Variants in ARFGEF1 observed in about 807,000 individuals in gnomAD.
The protein encoded by ARFGEF1 is ARF guanine nucleotide exchange factor 1, also known as brefeldin A-inhibited guanine nucleotide-exchange protein 1.
Under a neutral mutation model 231.0 loss-of-function variants are expected in ARFGEF1, and 42 were observed. The observed-to-expected ratio is 0.18, with a 90% confidence interval of 0.14 to 0.24. The LOEUF is 0.24. Ranked by LOEUF, ARFGEF1 falls within the 10% of genes least tolerant of loss-of-function variation. The probability of loss-of-function intolerance (pLI) is 1.00; values close to 1 mark genes in which losing one functional copy is unlikely to be tolerated. For synonymous variants in ARFGEF1, 710 were observed against 732.3 expected (o/e 0.97, Z 0.49); for missense variants, 1,345 against 2,192.0 (o/e 0.61, Z 7.72).
intron 33 of ARFGEF1, among the ~76,000 whole-genome samples, chr8:67,216,068 T>G (rs566481201): frequency 4.2e-4 from 64 of 152,330 alleles, no homozygotes; most frequent in African/African-American, 1.4e-3. Context: ...TTCATGGCAC[T>G]TAACAAAGAC....
chr8:67,337,338 C>T (rs554504560), intron 1 of ARFGEF1, among the ~76,000 whole-genome samples: 2 of 152,152 alleles, frequency 1.3e-5, no homozygotes, highest in East Asian at 1.9e-4. Flanking sequence ...GAGGTGAATG[C>T]CATCTTCCTC....
intron 23 of ARFGEF1, among the ~76,000 whole-genome samples, chr8:67,231,973 CA>C (rs1839568494): frequency 6.6e-6 from 1 of 151,292 alleles, no homozygotes; most frequent in African/African-American, 2.4e-5. Context: ...TAAAAAAAAA[CA>C]AAACACAAAA....
At chr8:67,298,595 T>C (rs1252019287) in intron 4 of ARFGEF1, among the ~76,000 whole-genome samples, 1 of 152,092 alleles carries the variant, frequency 6.6e-6, no homozygotes, top group Non-Finnish European at 1.5e-5. Context: ...GCAATATATA[T>C]ATACATATGA....
At position 67,252,282 on chromosome 8, in the gene ARFGEF1, C is replaced by CAAAA. The variant is rs57653248; in HGVS notation, c.2699-836_2699-833dup. ...CAGCCTGGGCAACAAAACTCCATCTCAAAAAAAAAAAAAAAAAAAAAAAAA... is the reference window on the plus strand; with the variant it reads ...CAGCCTGGGCAACAAAACTCCATCTCAAAAAAAAAAAAAAAAAAAAAAAAAAAAA... On this transcript the variant is annotated intron_variant, in intron 18 of 38. Transcript: ENST00000262215. Among the ~76,000 whole-genome samples the CAAAA allele has an allele frequency of 3.2e-4, 7 of 21,866 alleles. 1 individual carries two copies. The highest frequency in any genetic ancestry group is 4.0e-4 in the Non-Finnish European group (4 of 9,970). The allele number at this position is 21,866 out of a possible 152,430, so 14.3% of individuals were successfully genotyped here.
At chr8:67,281,427 G>C (rs753157020) in intron 7 of ARFGEF1, among the ~76,000 whole-genome samples, 14 of 151,790 alleles carry the variant, frequency 9.2e-5, no homozygotes, top group Non-Finnish European at 1.6e-4. Context: ...AAAGATAAAA[G>C]CATCTTTTAA....
rs543255232 is a variant in ARFGEF1 at position 67,267,490 on chromosome 8, ATG to A, written c.1573-50_1573-49del. ...GTTTAAAATATTGTTTAGAATTCAT[ATG>A]TGTGATCACTTTTTAAACATCCCAG... On this transcript the variant is annotated intron_variant, in intron 10 of 38. Transcript: ENST00000262215. The A allele has an allele frequency of 7.5e-5, 93 of 1,238,130 alleles. No homozygotes were observed. The African/African-American group carries it at 1.3e-3, about 17-fold the overall frequency. The allele number at this position is 1,238,130 out of a possible 1,614,324, so 76.7% of individuals were successfully genotyped here. A position where few individuals can be genotyped will look rare whatever the true frequency, so the allele number is the denominator to read the frequency against.
At chr8:67,271,089 A>G (rs2128896223) in intron 10 of ARFGEF1, among the ~76,000 whole-genome samples, 1 of 151,256 alleles carries the variant, frequency 6.6e-6, no homozygotes, top group East Asian at 1.9e-4. Context: ...TGCACAACAC[A>G]TGCAGACACG....
intron 5 of ARFGEF1, chr8:67,180,037 G>T: frequency 1.9e-6 from 1 of 531,192 alleles, no homozygotes; most frequent in Non-Finnish European, 3.3e-6. Flanking sequence ...AAAAAAAAAA[G>T]GAATATTCTT....
intron 1 of ARFGEF1, among the ~76,000 whole-genome samples, chr8:67,313,052 C>T (rs758375748): frequency 6.6e-6 from 1 of 152,184 alleles, no homozygotes; most frequent in Non-Finnish European, 1.5e-5. Flanking sequence ...CAGACTTATG[C>T]CCTTATATAC....
Position 67,343,364 on chromosome 8 carries a change from A to G in ARFGEF1, c.-77T>C. The stretch of plus-strand genomic sequence containing the variant: ...GGAGGGGAGGAGGAGGAGAGGAAGG[A>G]AGAGAAGAGAGAAAGGAGAGGGGGT... On this transcript the variant is annotated 5_prime_UTR_variant, in exon 1 of 39. Transcript: ENST00000262215. 1 of 1,538,758 alleles carries G rather than the reference A, an allele frequency of 6.5e-7. No homozygotes were observed. Among genetic ancestry groups the G allele is most frequent in the Non-Finnish European group, 8.8e-7 (1 of 1,136,840 alleles).
intron 5 of ARFGEF1, among the ~76,000 whole-genome samples, chr8:67,176,135 G>A (rs1278952850): frequency 6.6e-6 from 1 of 152,066 alleles, no homozygotes; most frequent in African/African-American, 2.4e-5. Context: ...GTCTCAGAGA[G>A]CACTGATGGG....
At chr8:67,207,065 T>A (rs1034503175) in intron 34 of ARFGEF1, 2 of 152,180 alleles carry the variant, frequency 1.3e-5, no homozygotes, top group African/African-American at 4.8e-5. Context: ...TAGTACTAGA[T>A]CACAAGTTAA....
intron 1 of ARFGEF1, among the ~76,000 whole-genome samples, chr8:67,340,874 A>C (rs1412284767): frequency 6.6e-6 from 1 of 152,204 alleles, no homozygotes; most frequent in Non-Finnish European, 1.5e-5. Flanking sequence ...CAGTTGGCAC[A>C]CATATCAAGT....
At chr8:67,184,736 T>TA (rs1289501293) in intron 5 of ARFGEF1, among the ~76,000 whole-genome samples, 8 of 128,480 alleles carry the variant, frequency 6.2e-5, no homozygotes, top group African/African-American at 2.8e-4. Context: ...AAAATAATAA[T>TA]AAAAAAATAT....
chr8:67,210,154 CAAAAAAAAA>C (rs59530693), intron 34 of ARFGEF1, among the ~76,000 whole-genome samples: 4 of 53,876 alleles, frequency 7.4e-5, no homozygotes, highest in Non-Finnish European at 1.6e-4. Context: ...GACTCCGTCT[CAAAAAAAAA>C]AAAAAAAAAA....
chr8:67,305,497 G>A (rs770764749), intron 1 of ARFGEF1, among the ~76,000 whole-genome samples: 7 of 152,058 alleles, frequency 4.6e-5, no homozygotes, highest in Non-Finnish European at 1.0e-4. Flanking sequence ...ACAGGCATGC[G>A]CCACCACACC....
intron 1 of ARFGEF1, among the ~76,000 whole-genome samples, chr8:67,322,774 C>T (rs904685197): frequency 6.6e-6 from 1 of 152,178 alleles, no homozygotes; most frequent in African/African-American, 2.4e-5. Flanking sequence ...GATAATTACA[C>T]TTCTCTATTC....
intron 3 of ARFGEF1, among the ~76,000 whole-genome samples, chr8:67,300,660 CAAAAAAAAAAAAAAA>C (rs200434355): frequency 1.1e-5 from 1 of 88,660 alleles, no homozygotes; most frequent in Admixed American, 1.2e-4. Context: ...CTTGTCTCTT[CAAAAAAAAAAAAAAA>C]AAAAAAAAAA....
At chr8:67,294,786 C>G (rs1806159934) in intron 5 of ARFGEF1, among the ~76,000 whole-genome samples, 1 of 152,122 alleles carries the variant, frequency 6.6e-6, no homozygotes, top group Non-Finnish European at 1.5e-5. Flanking sequence ...TATTTCCTAA[C>G]TCTATCTGCT....
Sources: gnomAD v4.1 joint callset for allele counts (sites outside exome capture counted in the v4.1 genomes callset) on GRCh38, gnomAD v4.1.1 for gene constraint, MANE v1.5 for transcripts, NCBI Gene and HGNC (gene_info 2026-07-23, HGNC 2026-07-21) for gene names.